ALDH6A1: variants seen among roughly 807,000 people sequenced by gnomAD.
ALDH6A1 encodes the protein aldehyde dehydrogenase 6 family member A1.
In ALDH6A1, 43 loss-of-function variants were observed where a neutral mutation model predicts 62.6. The ratio of observed to expected loss-of-function variants is 0.69; its 90% CI spans 0.54 to 0.89. ALDH6A1 has a LOEUF of 0.89. ALDH6A1 is among the 40% of genes least tolerant of loss of function. The probability of loss-of-function intolerance (pLI) is 0.00; values close to 1 mark genes in which losing one functional copy is unlikely to be tolerated. For synonymous variants in ALDH6A1, 194 were observed against 234.2 expected (o/e 0.83, Z 1.57); for missense variants, 551 against 661.3 (o/e 0.83, Z 1.83).
Position 74,072,614 on chromosome 14 carries a change from G to GAAAAA in ALDH6A1, c.112-8_112-4dup. ...CCAATGAAGAGCTTTACAGTTGGCT[G>GAAAAA]AAAAAAACAAACAAACAAACAAACA... On this transcript the variant is annotated splice_polypyrimidine_tract_variant and splice_region_variant and intron_variant, in intron 2 of 11. Transcript: ENST00000553458. The GAAAAA allele has an allele frequency of 6.3e-7, 1 of 1,581,340 alleles. No homozygotes were observed. The highest frequency in any genetic ancestry group is 8.6e-7 in the Non-Finnish European group (1 of 1,157,142).
chr14:74,078,225 C>T (rs557207349), intron 1 of ALDH6A1: 3 of 456,046 alleles, frequency 6.6e-6, no homozygotes, highest in African/African-American at 6.0e-5. Context: ...ATGAGAACTT[C>T]TCAACTTCCT....
chr14:74,074,737 A>G, intron 2 of ALDH6A1, among the ~76,000 whole-genome samples: 1 of 152,186 alleles, frequency 6.6e-6, no homozygotes, highest in East Asian at 1.9e-4. Context: ...TAAGAAGAAG[A>G]CAACTATCTG....
At position 74,060,654 on chromosome 14, in the gene ALDH6A1, G is replaced by GGTA; in HGVS notation, c.1593_1595dup (p.Thr532dup). The stretch of plus-strand genomic sequence containing the variant: ...AACAAACTTGTTTCTAACGGCCCAT[G>GGTA]GTAGGCATGACAACAGCAGGTGAGG... On this transcript the variant is annotated inframe_insertion, in exon 12 of 12. Coordinates refer to ENST00000553458, the MANE Select transcript of ALDH6A1 (RefSeq NM_005589.4). 1 of 1,610,742 alleles carries GGTA rather than the reference G, an allele frequency of 6.2e-7. No homozygotes were observed. Among genetic ancestry groups the GGTA allele is most frequent in the South Asian group, 1.1e-5 (1 of 90,998 alleles).
chr14:74,083,029 T>TA (rs2060686271), intron 1 of ALDH6A1, among the ~76,000 whole-genome samples: 1 of 152,136 alleles, frequency 6.6e-6, no homozygotes, highest in Non-Finnish European at 1.5e-5. Flanking sequence ...TTCCTGCTAC[T>TA]AAAAAAAGAT....
At chr14:74,075,135 G>A (rs2060597783) in intron 1 of ALDH6A1, 118 bp from the exon 2 acceptor site, 3 of 843,368 alleles carry the variant, frequency 3.6e-6, no homozygotes, top group Non-Finnish European at 3.9e-6. Flanking sequence ...TCTCTCAAAG[G>A]CCATACAGTC....
chr14:74,067,306 A>T, intron 8 of ALDH6A1, 74 bp downstream of exon 8: 1 of 1,524,312 alleles, frequency 6.6e-7, no homozygotes, highest in Non-Finnish European at 9.1e-7. Flanking sequence ...CCACTGGCCA[A>T]GGCCAGTGAC....
Position 74,075,007 on chromosome 14 carries a change from T to G in ALDH6A1, c.59A>C (p.Lys20Thr). ...ATACCAGGTGGGACTGGATTTCACC[T>G]TGGAAGAAACCTGTGAGGCAAAAGA... ...VRARILQVSS[K>T]VKSSPTWYSA... is the part of the protein sequence containing the mutation. Residue 20 changes from lysine to threonine, a missense_variant, in exon 2 of 12, where the codon AAG (lysine) becomes ACG (threonine). Transcript: ENST00000553458. The G allele has an allele frequency of 6.2e-7, 1 of 1,614,024 alleles. No individual in the cohort carries two copies. The highest frequency in any genetic ancestry group is 8.5e-7 in the Non-Finnish European group (1 of 1,179,958).
intron 11 of ALDH6A1, among the ~76,000 whole-genome samples, chr14:74,061,378 T>A (rs981908371): frequency 2.8e-4 from 42 of 152,122 alleles, no homozygotes; most frequent in African/African-American, 9.9e-4. Flanking sequence ...CTTGGCTCAC[T>A]GCAACCTCTG....
Position 74,071,103 on chromosome 14 carries a change from G to A in ALDH6A1, c.730+92C>T, listed in dbSNP as rs552824419. 7.4e-6 allele frequency: 9 copies of A among 1,212,136 alleles called. No individual in the cohort carries two copies. In the South Asian group the frequency reaches 1.1e-4, roughly 15 times the overall value. The allele number at this position is 1,212,136 out of a possible 1,614,324, so 75.1% of individuals were successfully genotyped here. On this transcript the variant is annotated intron_variant, in intron 6 of 11. Transcript: ENST00000553458. ...TGAGTAAATCCTTTCCTCCTTACAA[G>A]TAGGTTCCTTATCCTAAAACATCCA...
chr14:74,067,714 A>T (rs932992099), intron 7 of ALDH6A1, 145 bp from the exon 8 acceptor site: 10 of 860,616 alleles, frequency 1.2e-5, no homozygotes, highest in African/African-American at 1.7e-5. Flanking sequence ...ACTTGAGGTC[A>T]GGAGTTCAAG....
intron 11 of ALDH6A1, 49 bp from the exon 12 acceptor site, chr14:74,060,795 T>A (rs1383458998): frequency 1.5e-6 from 2 of 1,354,938 alleles, no homozygotes; most frequent in South Asian, 2.3e-5. Flanking sequence ...GGTTTCATGA[T>A]TCTTCTTTTA....
At chr14:74,075,137 C>T (rs1172706661) in intron 1 of ALDH6A1, 120 bp from the exon 2 acceptor site, 4 of 824,158 alleles carry the variant, frequency 4.9e-6, no homozygotes, top group Non-Finnish European at 8.1e-6. Flanking sequence ...TCTCAAAGGC[C>T]ATACAGTCAT....
chr14:74,080,825 T>C (rs146039174), intron 1 of ALDH6A1, among the ~76,000 whole-genome samples: 1 of 152,230 alleles, frequency 6.6e-6, no homozygotes, highest in Non-Finnish European at 1.5e-5. Context: ...ATTATTCCCT[T>C]GTTTAAAATT....
In ALDH6A1 at chr14:74,058,658, A is replaced by G. The variant is rs1486008635; in HGVS notation, c.*1984T>C. The G allele has an allele frequency of 6.6e-6, 1 of 151,876 alleles. No individual in the cohort carries two copies. Among genetic ancestry groups the G allele is most frequent in the East Asian group, 1.9e-4 (1 of 5,188 alleles). 9.4% of individuals were successfully genotyped at this position (151,876 alleles called of 1,614,324 possible). A position where few individuals can be genotyped will look rare whatever the true frequency, so the allele number is the denominator to read the frequency against. ...CCCATAGTGTAGGTTAGTTAGCACT[A>G]TCAAAGTGACTGGTAAGGACGCAGG... On this transcript the variant is annotated 3_prime_UTR_variant, in exon 12 of 12. Coordinates refer to ENST00000553458, the MANE Select transcript of ALDH6A1 (RefSeq NM_005589.4).
chr14:74,070,964 T>TC, intron 6 of ALDH6A1: 1 of 561,108 alleles, frequency 1.8e-6, no homozygotes. Context: ...CTAGCCCTAA[T>TC]CCATATTTCT....
At chr14:74,068,697 C>T (rs890326721) in intron 7 of ALDH6A1, among the ~76,000 whole-genome samples, 163 bp downstream of exon 7, 26 of 152,030 alleles carry the variant, frequency 1.7e-4, no homozygotes, top group African/African-American at 6.0e-4. Flanking sequence ...GAGCCGAGAT[C>T]ATGCCACTGC....
chr14:74,065,073 G>A, intron 10 of ALDH6A1, 108 bp downstream of exon 10: 1 of 1,418,302 alleles, frequency 7.1e-7, no homozygotes, highest in Non-Finnish European at 9.9e-7. Flanking sequence ...GGGGCAATGT[G>A]GGAGGTCATG....
Position 74,067,416 on chromosome 14 carries a change from G to C in ALDH6A1, c.1006C>G (p.Leu336Val). The change falls in exon 8 of 12, where the codon CTG becomes GTG. Residue 336 changes from leucine (L) to valine (V), a missense_variant. Coordinates refer to ENST00000553458, the MANE Select transcript of ALDH6A1 (RefSeq NM_005589.4). The part of the protein sequence containing the change: ...VGEAKKWLPE[L>V]VEHAKNLRVN... ...CTCAGGTTTTTGGCATGCTCCACCA[G>C]CTCTGGCAGCCACTTCTTGGCTTCT... is the stretch of plus-strand genomic sequence containing the variant. 5 of 1,613,960 alleles carry C rather than the reference G, an allele frequency of 3.1e-6. No individual in the cohort carries two copies. The highest frequency in any genetic ancestry group is 4.2e-6 in the Non-Finnish European group (5 of 1,180,046).
In ALDH6A1 at chr14:74,059,324, G is replaced by A; in HGVS notation, c.*1318C>T. ...CAGGTTAGATTTGCTTAAGGCAGGT[G>A]TCTTACCCATTTTCATGGTTGGAAC... On this transcript the variant is annotated 3_prime_UTR_variant, in exon 12 of 12. Coordinates refer to ENST00000553458, the MANE Select transcript of ALDH6A1 (RefSeq NM_005589.4). 2.2e-6 allele frequency: 1 copy of A among 455,506 alleles called. No homozygotes were observed. Among genetic ancestry groups the A allele is most frequent in the Non-Finnish European group, 4.4e-6 (1 of 226,438 alleles). 28.2% of individuals were successfully genotyped at this position (455,506 alleles called of 1,614,324 possible).
Sources: gnomAD v4.1 joint callset for allele counts (sites outside exome capture counted in the v4.1 genomes callset) on GRCh38, gnomAD v4.1.1 for gene constraint, MANE v1.5 for transcripts, NCBI Gene and HGNC (gene_info 2026-07-23, HGNC 2026-07-21) for gene names.